DPP6: variants seen among roughly 807,000 people sequenced by gnomAD.
DPP6 encodes dipeptidyl peptidase like 6, also known as A-type potassium channel modulatory protein DPP6.
In DPP6, 69 loss-of-function variants were observed where a neutral mutation model predicts 122.6. That is an observed-to-expected ratio of 0.56 (90% CI 0.46 to 0.69). DPP6 has a LOEUF of 0.69. Ranked by LOEUF, DPP6 falls within the 30% of genes least tolerant of loss-of-function variation. The pLI is 0.00. For missense variants in DPP6, 928 were observed against 1,116.9 expected, an observed-to-expected ratio of 0.83 and a Z score of 2.41; for synonymous variants, 418 against 433.1, an observed-to-expected ratio of 0.97 and a Z score of 0.43.
chr7:154,339,288 C>A (rs1563507263), intron 1 of DPP6, among the ~76,000 whole-genome samples: 1 of 152,170 alleles, frequency 6.6e-6, no homozygotes, highest in Non-Finnish European at 1.5e-5. Flanking sequence ...CCCCAGAGGA[C>A]AGGGACGTGG....
rs192689861 is a variant in DPP6, at chr7:154,400,555, T to A, written c.244-45659T>A. Among the ~76,000 whole-genome samples the A allele has an allele frequency of 2.0e-5, 3 of 152,358 alleles. No individual in the cohort carries two copies. In the East Asian group the frequency reaches 5.8e-4, roughly 29 times the overall value. On this transcript the variant is annotated intron_variant, in intron 1 of 25. Coordinates refer to ENST00000377770, the MANE Select transcript of DPP6 (RefSeq NM_130797.4). ...CCATGATTGACTATGTTATTCTTTT[T>A]ATTTGGTGCCAACCAGAGAATCATT... is the stretch of plus-strand genomic sequence containing the variant.
At chr7:154,491,114 T>C (rs1824242192) in intron 3 of DPP6, among the ~76,000 whole-genome samples, 1 of 152,226 alleles carries the variant, frequency 6.6e-6, no homozygotes, top group South Asian at 2.1e-4. Flanking sequence ...TGGGATGTTT[T>C]CTTTTCCAAC....
At chr7:153,866,824 G>A in the DPP6 span, among the ~76,000 whole-genome samples, 1 of 152,026 alleles carries the variant, frequency 6.6e-6, no homozygotes, top group Admixed American at 6.6e-5. Flanking sequence ...ATTAATTTTT[G>A]TATAAGGTGT....
chr7:154,506,079 T>C (rs1307878191), intron 3 of DPP6, among the ~76,000 whole-genome samples: 6 of 152,130 alleles, frequency 3.9e-5, no homozygotes. Context: ...TTTAAGACTG[T>C]TGGAAGTCAT....
At chr7:154,465,276 T>C (rs957980914) in intron 2 of DPP6, among the ~76,000 whole-genome samples, 1 of 152,248 alleles carries the variant, frequency 6.6e-6, no homozygotes, top group Non-Finnish European at 1.5e-5. Context: ...ACAAATTTTA[T>C]TAGTCAGCTT....
chr7:154,234,971 C>T (rs1005435678), intron 1 of DPP6, among the ~76,000 whole-genome samples: 1 of 152,208 alleles, frequency 6.6e-6, no homozygotes, highest in South Asian at 2.1e-4. Context: ...AAGGACACAG[C>T]AGATGGCCAT....
chr7:153,872,084 C>CTCTTTGTGGA, the DPP6 span, among the ~76,000 whole-genome samples: 3 of 152,186 alleles, frequency 2.0e-5, no homozygotes, highest in African/African-American at 4.8e-5. Context: ...GCCCTTCATT[C>CTCTTTGTGGA]TCTTTGTAAT....
chr7:154,596,431 A>G (rs1586705919), intron 5 of DPP6, among the ~76,000 whole-genome samples: 1 of 152,374 alleles, frequency 6.6e-6, no homozygotes, highest in South Asian at 2.1e-4. Flanking sequence ...CATTGTACAG[A>G]CATTGTAAAG....
intron 8 of DPP6, among the ~76,000 whole-genome samples, chr7:154,751,771 G>A (rs1373559097): frequency 2.0e-5 from 3 of 152,160 alleles, no homozygotes; most frequent in Non-Finnish European, 4.4e-5. Flanking sequence ...GGCAGGGACG[G>A]ATAGGACTTC....
At chr7:154,356,361 G>A (rs1373067572) in intron 1 of DPP6, among the ~76,000 whole-genome samples, 2 of 152,148 alleles carry the variant, frequency 1.3e-5, no homozygotes, top group Non-Finnish European at 2.9e-5. Context: ...TGGATTTGTT[G>A]ATTAATGATT....
At chr7:154,549,921 T>G (rs547414201) in intron 4 of DPP6, among the ~76,000 whole-genome samples, 1 of 152,202 alleles carries the variant, frequency 6.6e-6, no homozygotes, top group African/African-American at 2.4e-5. Flanking sequence ...GGTAAATGTT[T>G]TAATTTTATT....
chr7:154,792,966 AG>A (rs1421730519), intron 10 of DPP6, among the ~76,000 whole-genome samples: 3 of 152,208 alleles, frequency 2.0e-5, no homozygotes, highest in African/African-American at 7.2e-5. Flanking sequence ...CAAGTTATTA[AG>A]AACCTTGATT....
Position 154,241,224 on chromosome 7 carries a change from T to G in DPP6, c.243+188161T>G, listed in dbSNP as rs777880017. 0.055 allele frequency among the ~76,000 whole-genome samples: 8,207 copies of G among 148,766 alleles called. 277 individuals carry two copies. Among genetic ancestry groups the G allele is most frequent in the African/African-American group, 0.078 (3,071 of 39,296 alleles). On this transcript the variant is annotated intron_variant, in intron 1 of 25. Transcript: ENST00000377770. The surrounding 1 kb of genome is among the most constrained non-coding windows in gnomAD (Gnocchi z 9.0). ...GTGTGTGTGTGTGTGTGTGTGTATATATATATAGAGAGAGAGAGAGACACT... is the reference window on the plus strand; with the variant it reads ...GTGTGTGTGTGTGTGTGTGTGTATAGATATATAGAGAGAGAGAGAGACACT...
At chr7:153,918,454 A>ACTCT (rs1800426453) in intron 1 of DPP6, among the ~76,000 whole-genome samples, 1 of 136,636 alleles carries the variant, frequency 7.3e-6, no homozygotes, top group Non-Finnish European at 1.6e-5. Context: ...ACACACACAC[A>ACTCT]CACACACACA....
chr7:154,082,942 G>A (rs1410592151), intron 1 of DPP6, among the ~76,000 whole-genome samples: 6 of 146,832 alleles, frequency 4.1e-5, no homozygotes, highest in Admixed American at 1.4e-4. Context: ...TCTGTCTTCT[G>A]GGTTCACACC....
chr7:154,098,131 T>C (rs1206698780), intron 1 of DPP6, among the ~76,000 whole-genome samples: 1 of 152,192 alleles, frequency 6.6e-6, no homozygotes, highest in Non-Finnish European at 1.5e-5. Context: ...GGAGGGACCC[T>C]GTGGGAGGTA....
chr7:154,637,687 G>T, intron 5 of DPP6, 134 bp from the exon 6 acceptor site: 1 of 822,338 alleles, frequency 1.2e-6, no homozygotes, highest in Non-Finnish European at 1.8e-6. Flanking sequence ...GTAAATAAAA[G>T]ACTTTGTCTC....
chr7:154,792,084 G>C (rs943932338), intron 10 of DPP6, among the ~76,000 whole-genome samples: 1 of 152,258 alleles, frequency 6.6e-6, no homozygotes, highest in Non-Finnish European at 1.5e-5. Context: ...TTCCTAATTA[G>C]CATGAAGGAC....
chr7:154,481,297 C>G lies in DPP6; in HGVS notation c.457+6260C>G, dbSNP rs1823253016. On this transcript the variant is annotated intron_variant, in intron 3 of 25. Transcript: ENST00000377770. This position sits in a 1 kb window ranked among gnomAD's most constrained non-coding sequence, Gnocchi z 4.2. ...CTATATGATGATGAGTTTCAATTCT[C>G]TAGCTCAAATGCTCTTCCGAGCTAT... 6.6e-6 allele frequency among the ~76,000 whole-genome samples: 1 copy of G among 152,020 alleles called. No homozygotes were observed.
Sources: allele counts gnomAD v4.1 joint callset (sites outside exome capture counted in the v4.1 genomes callset), GRCh38; gene constraint gnomAD v4.1.1; non-coding constraint Gnocchi (gnomAD v3.1); transcripts MANE v1.5; gene names NCBI Gene and HGNC (gene_info 2026-07-23, HGNC 2026-07-21).